GPC5: variants seen among roughly 807,000 people sequenced by gnomAD.
GPC5 encodes glypican-5.
In GPC5, 47 loss-of-function variants were observed where a neutral mutation model predicts 53.9. The observed-to-expected ratio is 0.87, with a 90% confidence interval of 0.69 to 1.11. The LOEUF is 1.11. Among genes scored for constraint, GPC5 ranks in the 50% most tolerant of loss-of-function variants. GPC5 has a pLI of 0.00. For synonymous variants in GPC5, 286 were observed against 263.3 expected (o/e 1.09, Z -0.84); for missense variants, 748 against 713.1 (o/e 1.05, Z -0.56).
chr13:91,758,543 G>A (rs1455485525), intron 5 of GPC5, among the ~76,000 whole-genome samples: 1 of 151,986 alleles, frequency 6.6e-6, no homozygotes, highest in Non-Finnish European at 1.5e-5. Context: ...CAATGATTTG[G>A]GGAAACCTTT....
At position 91,464,964 on chromosome 13, in the gene GPC5, A is replaced by G. The variant is rs1005443490; in HGVS notation, c.325+16042A>G. ...TAAAGGGTGCAAGGGACTTCTCTGTACATTTTTTTTTCTTTGCAGCATCAT... is the reference window on the plus strand; with the variant it reads ...TAAAGGGTGCAAGGGACTTCTCTGTGCATTTTTTTTTCTTTGCAGCATCAT... On this transcript the variant is annotated intron_variant, in intron 2 of 7. Coordinates refer to ENST00000377067, the MANE Select transcript of GPC5 (RefSeq NM_004466.6). 2.0e-5 allele frequency among the ~76,000 whole-genome samples: 3 copies of G among 152,130 alleles called. No individual in the cohort carries two copies. The East Asian group carries it at 5.8e-4, about 29-fold the overall frequency.
At chr13:91,436,840 C>G (rs527247283) in intron 1 of GPC5, among the ~76,000 whole-genome samples, 2 of 152,234 alleles carry the variant, frequency 1.3e-5, no homozygotes, top group Admixed American at 6.5e-5. Context: ...TTCTAGGTCT[C>G]TAAGTACTTG....
At chr13:91,476,647 G>A (rs1266137391) in intron 2 of GPC5, among the ~76,000 whole-genome samples, 1 of 152,134 alleles carries the variant, frequency 6.6e-6, no homozygotes, top group East Asian at 1.9e-4. Context: ...TAAAAGGTAT[G>A]CTCAGGGAAT....
chr13:92,227,898 G>A (rs1398716444), intron 7 of GPC5, among the ~76,000 whole-genome samples: 3 of 151,996 alleles, frequency 2.0e-5, no homozygotes, highest in African/African-American at 7.3e-5. Flanking sequence ...TTGAGCAGAA[G>A]CCTTACCAAT....
At chr13:92,641,826 T>C (rs1176243520) in intron 7 of GPC5, among the ~76,000 whole-genome samples, 1 of 152,234 alleles carries the variant, frequency 6.6e-6, no homozygotes, top group African/African-American at 2.4e-5. Flanking sequence ...ATGTTGGCAC[T>C]TTGGGCAGAA....
intron 3 of GPC5, among the ~76,000 whole-genome samples, chr13:91,711,285 A>T (rs981584484): frequency 3.9e-5 from 6 of 152,184 alleles, no homozygotes; most frequent in African/African-American, 1.4e-4. Context: ...AAAAAAAAGG[A>T]TGAGTTCATG....
chr13:92,794,442 A>T (rs1379727654), intron 7 of GPC5, among the ~76,000 whole-genome samples: 2 of 152,170 alleles, frequency 1.3e-5, no homozygotes, highest in Non-Finnish European at 2.9e-5. Context: ...GAATGGGCAA[A>T]AACTGGAAGC....
chr13:92,140,094 G>T (rs1447146530), intron 6 of GPC5, among the ~76,000 whole-genome samples: 1 of 152,086 alleles, frequency 6.6e-6, no homozygotes, highest in South Asian at 2.1e-4. Flanking sequence ...TGGAAAAAGA[G>T]GTATTTGAGT....
At chr13:91,819,428 G>A (rs1566283101) in intron 5 of GPC5, among the ~76,000 whole-genome samples, 1 of 151,878 alleles carries the variant, frequency 6.6e-6, no homozygotes, top group Non-Finnish European at 1.5e-5. Context: ...CAAAGTGCTG[G>A]GATTACAGGT....
chr13:92,658,056 AC>A (rs1048551175), intron 7 of GPC5, among the ~76,000 whole-genome samples: 11 of 152,094 alleles, frequency 7.2e-5, no homozygotes, highest in Admixed American at 7.2e-4. Context: ...TTATACACTT[AC>A]CCCAATTCTG....
intron 7 of GPC5, among the ~76,000 whole-genome samples, chr13:92,592,551 A>G (rs1446855684): frequency 6.6e-6 from 1 of 151,388 alleles, no homozygotes; most frequent in Non-Finnish European, 1.5e-5. Context: ...CATTCAAGAA[A>G]GAGAAATAGA....
intron 7 of GPC5, among the ~76,000 whole-genome samples, chr13:92,746,156 G>C (rs563370866): frequency 2.0e-4 from 31 of 152,166 alleles, no homozygotes; most frequent in African/African-American, 7.0e-4. Context: ...GTATTCAGCT[G>C]TACATCTAAC....
At chr13:91,759,458 A>G (rs981187738) in intron 5 of GPC5, among the ~76,000 whole-genome samples, 8 of 152,088 alleles carry the variant, frequency 5.3e-5, no homozygotes, top group African/African-American at 1.9e-4. Flanking sequence ...GCTATCTAAT[A>G]CTAGATTTTA....
chr13:91,413,222 A>G (rs1167150662), intron 1 of GPC5, among the ~76,000 whole-genome samples: 1 of 152,250 alleles, frequency 6.6e-6, no homozygotes, highest in African/African-American at 2.4e-5. Flanking sequence ...TGAAGGCTGC[A>G]GTGAACTATG....
rs7985186 is a variant in GPC5, at chr13:91,476,990, A to G, written c.325+28068A>G. The stretch of plus-strand genomic sequence containing the variant: ...GGACCCCCACACAGAAATTTTAAAC[A>G]GAGAAATTACGGAGTGTTATTTAAA... On this transcript the variant is annotated intron_variant, in intron 2 of 7. Coordinates refer to ENST00000377067, the MANE Select transcript of GPC5 (RefSeq NM_004466.6). Among the ~76,000 whole-genome samples the G allele has an allele frequency of 5.2e-3, 793 of 152,308 alleles. 8 individuals are homozygous for G. The highest frequency in any genetic ancestry group is 0.018 in the African/African-American group (762 of 41,552).
At chr13:92,668,760 T>C (rs1886655037) in intron 7 of GPC5, among the ~76,000 whole-genome samples, 1 of 152,158 alleles carries the variant, frequency 6.6e-6, no homozygotes, top group Non-Finnish European at 1.5e-5. Context: ...TTGTATTTTT[T>C]ACATTTTAAA....
intron 5 of GPC5, among the ~76,000 whole-genome samples, chr13:91,831,401 AT>A (rs2038656976): frequency 6.6e-6 from 1 of 151,946 alleles, no homozygotes; most frequent in South Asian, 2.1e-4. Flanking sequence ...ACTGATTCAA[AT>A]GTTAATCTCT....
intron 2 of GPC5, among the ~76,000 whole-genome samples, chr13:91,577,089 A>G (rs977772325): frequency 1.3e-5 from 2 of 152,186 alleles, no homozygotes; most frequent in Non-Finnish European, 2.9e-5. Context: ...AGGTTTTCCT[A>G]AAATACTGTG....
intron 7 of GPC5, among the ~76,000 whole-genome samples, chr13:92,346,765 C>T (rs1050714458): frequency 6.6e-6 from 1 of 151,980 alleles, no homozygotes; most frequent in Admixed American, 6.6e-5. Flanking sequence ...TAAAGAAGTT[C>T]AGTAAACTAT....
Sources: gnomAD v4.1 joint callset for allele counts (sites outside exome capture counted in the v4.1 genomes callset) on GRCh38, gnomAD v4.1.1 for gene constraint, MANE v1.5 for transcripts, NCBI Gene and HGNC (gene_info 2026-07-23, HGNC 2026-07-21) for gene names.